Variants in TEX9 observed in about 807,000 individuals in gnomAD.
TEX9 encodes the protein testis expressed 9, also known as testis-expressed protein 9.
In TEX9, 74 loss-of-function variants were observed where a neutral mutation model predicts 59.6. The observed-to-expected ratio is 1.24, with a 90% CI of 1.03 to 1.51. The LOEUF (loss-of-function observed/expected upper bound fraction) is 1.51. TEX9 is among the 40% of genes most tolerant of loss of function. TEX9 has a pLI of 0.00. For missense variants in TEX9, 522 were observed against 447.8 expected (o/e 1.17, Z -1.49); for synonymous variants, 186 against 152.2 (o/e 1.22, Z -1.64).
At chr15:56,400,068 C>G (rs915677362) in intron 9 of TEX9, among the ~76,000 whole-genome samples, 11 of 152,188 alleles carry the variant, frequency 7.2e-5, no homozygotes, top group African/African-American at 2.7e-4. Context: ...AAAACCAGAG[C>G]ACCTCTTCTT....
the TEX9 span, among the ~76,000 whole-genome samples, chr15:56,455,247 GAAAAAAAAAAAAA>G: frequency 1.2e-5 from 1 of 82,914 alleles, no homozygotes; most frequent in African/African-American, 4.8e-5. Flanking sequence ...ATCGTCAGGT[GAAAAAAAAAAAAA>G]AAAAAAAAAA....
At chr15:56,275,254 A>C (rs974726324) in intron 1 of TEX9, among the ~76,000 whole-genome samples, 2 of 152,144 alleles carry the variant, frequency 1.3e-5, no homozygotes, top group African/African-American at 2.4e-5. Context: ...ATGGTTTGCT[A>C]TCCACCCCTC....
At chr15:56,244,820 C>A (rs972937951) in intron 1 of TEX9, among the ~76,000 whole-genome samples, 2 of 147,698 alleles carry the variant, frequency 1.4e-5, no homozygotes, top group South Asian at 2.3e-4. Context: ...CCGCACCATT[C>A]CCCCCCTTCC....
intron 2 of TEX9, 114 bp from the exon 3 acceptor site, chr15:56,373,327 A>G (rs1255803046): frequency 5.8e-6 from 5 of 868,252 alleles, no homozygotes; most frequent in African/African-American, 1.8e-5. Flanking sequence ...TAAGAATGCC[A>G]TATGTATATT....
intron 3 of TEX9, among the ~76,000 whole-genome samples, chr15:56,378,914 A>G (rs1249398413): frequency 2.4e-4 from 36 of 151,988 alleles, no homozygotes; most frequent in Non-Finnish European, 2.9e-5. Flanking sequence ...AAAAATACAA[A>G]TTAGTCAGAT....
intron 6 of TEX9, among the ~76,000 whole-genome samples, chr15:56,390,909 C>G (rs1326298890): frequency 1.3e-5 from 2 of 151,894 alleles, no homozygotes; most frequent in East Asian, 3.9e-4. Context: ...TTGGTATTGC[C>G]TTATTTGGAA....
At chr15:56,352,026 A>G (rs1164702745) in intron 1 of TEX9, among the ~76,000 whole-genome samples, 1 of 152,218 alleles carries the variant, frequency 6.6e-6, no homozygotes, top group East Asian at 1.9e-4. Context: ...ATGCAAGATA[A>G]GTACATAAGA....
intron 9 of TEX9, among the ~76,000 whole-genome samples, chr15:56,407,424 C>A (rs936497566): frequency 1.8e-4 from 28 of 152,210 alleles, no homozygotes; most frequent in African/African-American, 6.3e-4. Context: ...TTTGAGTCAG[C>A]TTTGCTAATT....
chr15:56,320,110 T>A (rs1276620851), intron 1 of TEX9, among the ~76,000 whole-genome samples: 1 of 152,204 alleles, frequency 6.6e-6, no homozygotes, highest in East Asian at 1.9e-4. Context: ...TAGGCATTTT[T>A]ATTGCAACAT....
At chr15:56,255,341 C>G (rs1173316173) in intron 1 of TEX9, among the ~76,000 whole-genome samples, 1 of 151,970 alleles carries the variant, frequency 6.6e-6, no homozygotes, top group Admixed American at 6.6e-5. Context: ...GTTCTAAAAG[C>G]TGTATGTTTT....
downstream of TEX9, among the ~76,000 whole-genome samples, chr15:56,448,452 G>T (rs1363227211): frequency 6.6e-6 from 1 of 151,734 alleles, no homozygotes; most frequent in Non-Finnish European, 1.5e-5. Context: ...TGTACTCAAT[G>T]TTTAGCTCCC....
At chr15:56,439,140 G>A (rs1206890916) in intron 12 of TEX9, among the ~76,000 whole-genome samples, 3 of 152,100 alleles carry the variant, frequency 2.0e-5, no homozygotes, top group Non-Finnish European at 2.9e-5. Context: ...CTAGCAACGA[G>A]TACACGGACA....
intron 12 of TEX9, among the ~76,000 whole-genome samples, chr15:56,439,516 G>A (rs2140346146): frequency 6.6e-6 from 1 of 152,026 alleles, no homozygotes; most frequent in African/African-American, 2.4e-5. Context: ...TGGAGGGATG[G>A]ATACATAGAC....
downstream of TEX9, among the ~76,000 whole-genome samples, chr15:56,448,939 C>A (rs2050928132): frequency 6.6e-6 from 1 of 151,580 alleles, no homozygotes; most frequent in African/African-American, 2.4e-5. Flanking sequence ...ATTTTGAGTA[C>A]AGATGGAGTT....
At chr15:56,302,265 A>G (rs1207755951) in intron 1 of TEX9, among the ~76,000 whole-genome samples, 1 of 151,268 alleles carries the variant, frequency 6.6e-6, no homozygotes, top group African/African-American at 2.4e-5. Context: ...AGGCAGGAGG[A>G]TTGCTTGAGC....
intron 1 of TEX9, among the ~76,000 whole-genome samples, chr15:56,251,888 G>T (rs1302495328): frequency 2.6e-5 from 4 of 152,132 alleles, no homozygotes; most frequent in African/African-American, 9.7e-5. Flanking sequence ...AGAAACTTAA[G>T]GGGAGCTGGG....
upstream of TEX9, among the ~76,000 whole-genome samples, chr15:56,360,959 C>A (rs560568438): frequency 3.9e-5 from 6 of 152,198 alleles, no homozygotes; most frequent in Admixed American, 1.3e-4. Context: ...CTCCTGTTTT[C>A]TGCCTCCTGA....
At chr15:56,454,210 T>C in the TEX9 span, among the ~76,000 whole-genome samples, 23 of 152,312 alleles carry the variant, frequency 1.5e-4, no homozygotes, top group Middle Eastern at 3.4e-3. Flanking sequence ...ACTTTCTTCC[T>C]TTTAGTTTTT....
intron 10 of TEX9, among the ~76,000 whole-genome samples, chr15:56,427,205 C>T (rs550821144): frequency 6.6e-6 from 1 of 152,218 alleles, no homozygotes; most frequent in East Asian, 1.9e-4. Flanking sequence ...AGTATTTCTG[C>T]TCTTTCAAGG....
Sources: gnomAD v4.1 joint callset for allele counts (sites outside exome capture counted in the v4.1 genomes callset) on GRCh38, gnomAD v4.1.1 for gene constraint, MANE v1.5 for transcripts, NCBI Gene and HGNC (gene_info 2026-07-23, HGNC 2026-07-21) for gene names.